RBFOX1: variants seen among roughly 807,000 people sequenced by gnomAD.
RBFOX1 encodes RNA binding protein fox-1 homolog 1.
In RBFOX1, 8 loss-of-function variants were observed where a neutral mutation model predicts 57.7. That is an observed-to-expected ratio of 0.14 (90% confidence interval 0.08 to 0.25). The LOEUF is 0.25. RBFOX1 is among the 10% of genes least tolerant of loss of function. The probability of loss-of-function intolerance (pLI) is 1.00; values close to 1 mark genes in which losing one functional copy is unlikely to be tolerated. For synonymous variants in RBFOX1, 326 were observed against 222.4 expected, an observed-to-expected ratio of 1.47 and a Z score of -4.15; for missense variants, 611 against 548.5, an observed-to-expected ratio of 1.11 and a Z score of -1.14.
chr16:6,097,633 AAAAGTGATTGACTCAAGTGCTTAAT>A lies in RBFOX1; in HGVS notation c.-127+77644_-127+77668del. 6.6e-6 allele frequency among the ~76,000 whole-genome samples: 1 copy of A among 152,168 alleles called. No homozygotes were observed. The highest frequency in any genetic ancestry group is 2.4e-5 in the African/African-American group (1 of 41,446). ...ATGAGAAAAATGAGTCAGTAGGAGG[AAAAGTGATTGACTCAAGTGCTTAAT>A]AAGTGTCTAAGCTAGGATTTGACCC... On this transcript the variant is annotated intron_variant, in intron 1 of 15. Coordinates refer to ENST00000550418, the MANE Select transcript of RBFOX1 (RefSeq NM_018723.4). The surrounding 1 kb of genome is among the most constrained non-coding windows in gnomAD (Gnocchi z 5.0).
At chr16:6,702,282 G>A (rs576348681) in intron 3 of RBFOX1, among the ~76,000 whole-genome samples, 1 of 152,240 alleles carries the variant, frequency 6.6e-6, no homozygotes, top group Admixed American at 6.5e-5. Flanking sequence ...GGCCAGCCGT[G>A]GTGGCTCATG....
intron 3 of RBFOX1, among the ~76,000 whole-genome samples, chr16:6,970,406 C>T (rs2085275093): frequency 6.6e-6 from 1 of 152,134 alleles, no homozygotes. Context: ...GTTTCACTGA[C>T]TTAGTCTGCT....
intron 4 of RBFOX1, among the ~76,000 whole-genome samples, chr16:7,112,180 C>G (rs954327845): frequency 1.3e-5 from 2 of 152,092 alleles, no homozygotes; most frequent in African/African-American, 4.8e-5. Context: ...CTTTGTTTTT[C>G]TATGTCATCC....
At chr16:5,474,381 C>G (rs762791339) in intron 2 of RBFOX1, among the ~76,000 whole-genome samples, 1 of 152,190 alleles carries the variant, frequency 6.6e-6, no homozygotes, top group Non-Finnish European at 1.5e-5. Context: ...CGGCTAGGCG[C>G]GATGGCTCAC....
intron 4 of RBFOX1, among the ~76,000 whole-genome samples, chr16:7,116,480 G>A (rs149462564): frequency 1.1e-3 from 171 of 152,226 alleles, no homozygotes; most frequent in African/African-American, 3.8e-3. Flanking sequence ...TTATTGAAAT[G>A]AGGCCTCACT....
chr16:5,588,115 C>T (rs2046892539), intron 2 of RBFOX1, among the ~76,000 whole-genome samples: 1 of 152,076 alleles, frequency 6.6e-6, no homozygotes, highest in African/African-American at 2.4e-5. Context: ...CACAAAAGAC[C>T]ATAGATTGTG....
chr16:6,587,002 CCT>C (rs1359194143), intron 2 of RBFOX1, among the ~76,000 whole-genome samples: 2 of 151,338 alleles, frequency 1.3e-5, no homozygotes, highest in Non-Finnish European at 2.9e-5. Context: ...CATTACTTCC[CCT>C]GTTTATTGTG....
intron 3 of RBFOX1, among the ~76,000 whole-genome samples, chr16:5,641,912 G>A (rs2048887545): frequency 6.6e-6 from 1 of 152,144 alleles, no homozygotes; most frequent in South Asian, 2.1e-4. Context: ...AGGCTATGAT[G>A]CATATGTCAC....
At chr16:6,840,898 A>AAAAAAAAG (rs2093424340) in intron 3 of RBFOX1, among the ~76,000 whole-genome samples, 1 of 55,698 alleles carries the variant, frequency 1.8e-5, no homozygotes, top group East Asian at 6.0e-3. Flanking sequence ...AAAAAAAAAA[A>AAAAAAAAG]AAAAAACGAA....
chr16:5,502,979 C>T (rs548368821), intron 2 of RBFOX1, among the ~76,000 whole-genome samples: 25 of 152,354 alleles, frequency 1.6e-4, no homozygotes, highest in South Asian at 4.1e-4. Flanking sequence ...TCTATTTAGA[C>T]GTGTCCAATA....
intron 1 of RBFOX1, among the ~76,000 whole-genome samples, chr16:5,450,005 A>G (rs985994008): frequency 2.0e-5 from 3 of 152,300 alleles, no homozygotes; most frequent in African/African-American, 7.2e-5. Context: ...AATAGCACCT[A>G]TCATTTGCTG....
At chr16:7,233,704 C>G (rs892011968) in intron 4 of RBFOX1, among the ~76,000 whole-genome samples, 2 of 152,158 alleles carry the variant, frequency 1.3e-5, no homozygotes, top group Admixed American at 1.3e-4. Context: ...CATGAACTTC[C>G]AACTCGTCTT....
chr16:7,400,146 C>G (rs1335198543), intron 4 of RBFOX1, among the ~76,000 whole-genome samples: 1 of 152,122 alleles, frequency 6.6e-6, no homozygotes, highest in Non-Finnish European at 1.5e-5. Context: ...TTTTCTGATT[C>G]TGCCATTTAT....
intron 3 of RBFOX1, among the ~76,000 whole-genome samples, chr16:6,660,624 A>G (rs571057154): frequency 6.6e-6 from 1 of 152,260 alleles, no homozygotes; most frequent in South Asian, 2.1e-4. Context: ...TACCCTGTAT[A>G]TATCTTCATC....
intron 4 of RBFOX1, among the ~76,000 whole-genome samples, chr16:7,303,472 G>T (rs931521531): frequency 3.3e-5 from 5 of 152,246 alleles, no homozygotes; most frequent in African/African-American, 9.6e-5. Context: ...TGTCCAGCTC[G>T]CCTGATGCCG....
chr16:7,272,396 G>C (rs1205848975), intron 4 of RBFOX1, among the ~76,000 whole-genome samples: 4 of 152,112 alleles, frequency 2.6e-5, no homozygotes, highest in Admixed American at 6.5e-5. Context: ...TGTTGGCCAG[G>C]TTGGGCTTGA....
chr16:6,559,103 A>G (rs540407985), intron 2 of RBFOX1, among the ~76,000 whole-genome samples: 1,222 of 122,164 alleles, frequency 0.01, 22 homozygotes, highest in African/African-American at 0.041. Context: ...TCCAGTTTAT[A>G]TATACATATG....
intron 1 of RBFOX1, among the ~76,000 whole-genome samples, chr16:6,170,979 C>G (rs13337023): frequency 0.015 from 2,287 of 152,194 alleles, 47 homozygotes; most frequent in African/African-American, 0.051. Context: ...TTTTCTGTAT[C>G]TTGTCTGTGA....
chr16:7,427,465 G>A (rs2098631991), intron 4 of RBFOX1, among the ~76,000 whole-genome samples: 1 of 151,996 alleles, frequency 6.6e-6, no homozygotes, highest in Admixed American at 6.6e-5. Context: ...ACCCTCCGGT[G>A]ACTTGCTTAA....
Sources: gnomAD v4.1 joint callset for allele counts (sites outside exome capture counted in the v4.1 genomes callset) on GRCh38, gnomAD v4.1.1 for gene constraint, Gnocchi (gnomAD v3.1) non-coding constraint, MANE v1.5 for transcripts, NCBI Gene and HGNC (gene_info 2026-07-23, HGNC 2026-07-21) for gene names.